LAMB4: variants seen among roughly 807,000 people sequenced by gnomAD.
LAMB4 encodes laminin subunit beta-4.
In LAMB4, 196 loss-of-function variants were observed where a neutral mutation model predicts 199.2. The ratio of observed to expected loss-of-function variants is 0.98; its 90% confidence interval spans 0.88 to 1.11. LAMB4 has a LOEUF of 1.11. LAMB4 is among the 50% of genes least tolerant of loss of function. The pLI, the probability that LAMB4 is intolerant of heterozygous loss-of-function variation, is 0.00. For missense variants in LAMB4, 2,080 were observed against 2,171.2 expected (o/e 0.96, Z 0.83); for synonymous variants, 744 against 770.6 (o/e 0.97, Z 0.57).
At chr7:108,036,882 G>C (rs934008088) in intron 30 of LAMB4, among the ~76,000 whole-genome samples, 6 of 141,610 alleles carry the variant, frequency 4.2e-5, no homozygotes, top group African/African-American at 1.5e-4. Context: ...TGCGGTTTTT[G>C]CCATTATTTT....
the LAMB4 span, among the ~76,000 whole-genome samples, chr7:108,017,554 C>CT: frequency 6.6e-6 from 1 of 152,172 alleles, no homozygotes; most frequent in Non-Finnish European, 1.5e-5. Flanking sequence ...CTCTAAAGGA[C>CT]TTAAACGTGT....
chr7:108,129,539 C>CTTT (rs746971932), intron 1 of LAMB4, among the ~76,000 whole-genome samples: 4 of 141,520 alleles, frequency 2.8e-5, no homozygotes, highest in African/African-American at 7.7e-5. Context: ...ATAAAGTTTA[C>CTTT]TTTTTTTTTT....
chr7:108,066,179 T>C (rs1183289113), intron 20 of LAMB4, among the ~76,000 whole-genome samples, 190 bp downstream of exon 20: 1 of 152,200 alleles, frequency 6.6e-6, no homozygotes, highest in Non-Finnish European at 1.5e-5. Context: ...ATGTGTGTTA[T>C]TGATTTAATC....
intron 15 of LAMB4, among the ~76,000 whole-genome samples, chr7:108,079,034 C>A (rs1248886017): frequency 6.6e-6 from 1 of 152,174 alleles, no homozygotes; most frequent in Non-Finnish European, 1.5e-5. Flanking sequence ...GTTCAGTGGG[C>A]TTCAGATCCA....
At chr7:108,126,198 T>A (rs1255860246) in intron 1 of LAMB4, among the ~76,000 whole-genome samples, 1 of 152,208 alleles carries the variant, frequency 6.6e-6, no homozygotes, top group Non-Finnish European at 1.5e-5. Context: ...ACTTCCTTTT[T>A]GAAATATTTA....
intron 3 of LAMB4, among the ~76,000 whole-genome samples, chr7:108,114,319 G>A (rs1207670982): frequency 6.6e-6 from 1 of 152,138 alleles, no homozygotes; most frequent in African/African-American, 2.4e-5. Context: ...AGGTGGAGTA[G>A]CCTCCCCTAC....
chr7:108,116,289 A>C, intron 2 of LAMB4, 128 bp from the exon 3 acceptor site: 1 of 889,246 alleles, frequency 1.1e-6, no homozygotes. Flanking sequence ...TCAGACTTTT[A>C]AGTTTATTAA....
intron 1 of LAMB4, among the ~76,000 whole-genome samples, chr7:108,126,554 C>CTTTTTTTTTTTTTTT (rs71137605): frequency 8.4e-5 from 7 of 83,520 alleles, no homozygotes; most frequent in Admixed American, 2.1e-4. Flanking sequence ...GAATTTCTTT[C>CTTTTTTTTTTTTTTT]TTTTTTTTTT....
intron 8 of LAMB4, among the ~76,000 whole-genome samples, chr7:108,105,114 A>C (rs2037955905): frequency 6.6e-6 from 1 of 152,204 alleles, no homozygotes; most frequent in Non-Finnish European, 1.5e-5. Flanking sequence ...CTGAATGGGA[A>C]GGCACACTAG....
intron 23 of LAMB4, 94 bp from the exon 24 acceptor site, chr7:108,058,022 G>A (rs920731938): frequency 1.9e-5 from 16 of 826,068 alleles, no homozygotes; most frequent in African/African-American, 1.7e-4. Context: ...CAGTGAATTA[G>A]AACATACAGC....
rs1253171896 is a variant in LAMB4 at position 108,030,792 on chromosome 7, G to A, written c.4992+14C>T. The A allele has an allele frequency of 6.2e-7, 1 of 1,612,182 alleles. No individual in the cohort carries two copies. The highest frequency in any genetic ancestry group is 1.1e-5 in the South Asian group (1 of 90,828). On this transcript the variant is annotated intron_variant, in intron 32 of 33. Transcript: ENST00000388781. ...TGCTTTTCTGCTCTTGGTGGCAGTG[G>A]TAGAACTAATGACCTTCTCAAGACT...
At chr7:108,033,039 A>T (rs2035096019) in intron 31 of LAMB4, among the ~76,000 whole-genome samples, 1 of 152,184 alleles carries the variant, frequency 6.6e-6, no homozygotes, top group African/African-American at 2.4e-5. Flanking sequence ...GTTTTTTTCA[A>T]CTACCAGGGT....
intron 17 of LAMB4, among the ~76,000 whole-genome samples, chr7:108,071,230 A>C (rs890655708): frequency 1.3e-5 from 2 of 152,092 alleles, no homozygotes; most frequent in African/African-American, 4.8e-5. Context: ...TTTCTTAAAA[A>C]AATCATTTCC....
rs758487197 is a variant in LAMB4, at chr7:108,037,440, T to C, written c.4627A>G (p.Asn1543Asp). The change falls in exon 30 of 34, where the codon AAT becomes GAT. Residue 1543 changes from asparagine to aspartate, a missense_variant. Transcript: ENST00000388781. ...EDYRTDENRL[N>D]EEADGAQKLL... ...TTTTGGGCTCCATCTGCTTCTTCAT[T>C]TAACCTGTTTTCATCTGTCCTGTAA... is the stretch of plus-strand genomic sequence containing the variant. 3.1e-6 allele frequency: 5 copies of C among 1,614,056 alleles called. No individual in the cohort carries two copies. The African/African-American group carries it at 4.0e-5, about 13-fold the overall frequency.
chr7:108,066,368 C>T lies in LAMB4; in HGVS notation c.2678+1G>A. On this transcript the variant is annotated splice_donor_variant, in intron 20 of 33. Coordinates refer to ENST00000388781, the MANE Select transcript of LAMB4 (RefSeq NM_007356.3). LOFTEE classifies it high-confidence loss of function. The stretch of plus-strand genomic sequence containing the variant: ...AATTAAAGTGCATATGAATTCCATA[C>T]CTTTCACAGTTTCTGCCAGTTGTAA... 1 of 1,610,182 alleles carries T rather than the reference C, an allele frequency of 6.2e-7. No homozygotes were observed. The highest frequency in any genetic ancestry group is 8.5e-7 in the Non-Finnish European group (1 of 1,176,564).
the LAMB4 span, among the ~76,000 whole-genome samples, chr7:108,014,507 T>G: frequency 2.0e-5 from 3 of 152,244 alleles, no homozygotes; most frequent in African/African-American, 7.2e-5. Context: ...TGTTTAAATC[T>G]TTCAAATTGT....
intron 3 of LAMB4, among the ~76,000 whole-genome samples, chr7:108,114,979 A>G (rs912938149): frequency 1.3e-5 from 2 of 152,248 alleles, no homozygotes; most frequent in Non-Finnish European, 2.9e-5. Context: ...TCCAAGTAGT[A>G]TTATGTTGGT....
chr7:108,078,255 A>G lies in LAMB4; in HGVS notation c.1949T>C (p.Ile650Thr), dbSNP rs1181969831. 6.2e-7 allele frequency: 1 copy of G among 1,611,968 alleles called. No homozygotes were observed. The highest frequency in any genetic ancestry group is 2.2e-5 in the East Asian group (1 of 44,834). ...AGGCTTTGACTGTAGAGTCTTGGGT[A>G]TGCAGTGCTCACTCCCTCCAGGGGG... ...VNPPGGSEHC[I>T]PKTLQSKPQS... The change falls in exon 16 of 34, where the codon ATA becomes ACA. Residue 650 changes from isoleucine (I) to threonine (T), a missense_variant. Physicochemically the swap from Ile to Thr is moderately conservative, Grantham distance 89. Coordinates refer to ENST00000388781, the MANE Select transcript of LAMB4 (RefSeq NM_007356.3).
intron 14 of LAMB4, 36 bp from the exon 15 acceptor site, chr7:108,079,822 C>T (rs2036861975): frequency 6.7e-7 from 1 of 1,494,700 alleles, no homozygotes; most frequent in Non-Finnish European, 9.0e-7. Flanking sequence ...GCTTTGCCTA[C>T]AGTCAAGGCC....
Sources: allele counts gnomAD v4.1 joint callset (sites outside exome capture counted in the v4.1 genomes callset), GRCh38; gene constraint gnomAD v4.1.1; transcripts MANE v1.5; gene names NCBI Gene and HGNC (gene_info 2026-07-23, HGNC 2026-07-21).